DEPDC5: variants seen among roughly 807,000 people sequenced by gnomAD.
The protein encoded by DEPDC5 is GATOR1 complex protein DEPDC5.
DEPDC5 carries 73 observed loss-of-function variants against 217.3 expected under a neutral mutation model. The observed-to-expected ratio is 0.34, with a 90% CI of 0.28 to 0.41. DEPDC5 has a LOEUF of 0.41. Ranked by LOEUF, DEPDC5 falls within the 10% of genes least tolerant of loss-of-function variation. The probability of loss-of-function intolerance (pLI) is 1.00; values close to 1 mark genes in which losing one functional copy is unlikely to be tolerated. For synonymous variants in DEPDC5, 733 were observed against 756.7 expected (o/e 0.97, Z 0.51); for missense variants, 1,675 against 2,070.1 (o/e 0.81, Z 3.70).
At chr22:31,863,122 C>T (rs765088903) in intron 33 of DEPDC5, among the ~76,000 whole-genome samples, 2 of 152,110 alleles carry the variant, frequency 1.3e-5, no homozygotes, top group African/African-American at 2.4e-5. Context: ...ACTGGGATTA[C>T]AGGCATGAGC....
intron 34 of DEPDC5, 68 bp downstream of exon 34, chr22:31,870,812 A>G: frequency 7.0e-7 from 1 of 1,423,552 alleles, no homozygotes; most frequent in African/African-American, 1.5e-5. Flanking sequence ...AAGGCTGCAG[A>G]GGCTGAAGTC....
chr22:31,760,616 G>C, intron 3 of DEPDC5, 40 bp from the exon 4 acceptor site: 1 of 1,595,230 alleles, frequency 6.3e-7, no homozygotes, highest in Middle Eastern at 1.7e-4. Flanking sequence ...GGGAGTTACT[G>C]TTCACGGTAT....
chr22:31,830,696 C>T (rs886649212), intron 24 of DEPDC5, among the ~76,000 whole-genome samples: 1 of 150,584 alleles, frequency 6.6e-6, no homozygotes, highest in Non-Finnish European at 1.5e-5. Context: ...CTAGAGATGG[C>T]ACAGATCTAC....
intron 30 of DEPDC5, 87 bp from the exon 31 acceptor site, chr22:31,846,747 G>C (rs2091758992): frequency 6.3e-7 from 1 of 1,590,282 alleles, no homozygotes; most frequent in South Asian, 1.1e-5. Context: ...CCGGGGCCTG[G>C]GAATGCTGCA....
intron 32 of DEPDC5, among the ~76,000 whole-genome samples, chr22:31,860,537 AGG>A (rs2092471311): frequency 6.6e-6 from 1 of 152,188 alleles, no homozygotes; most frequent in East Asian, 1.9e-4. Flanking sequence ...TGATGGAAGG[AGG>A]GGTCATTGAA....
intron 33 of DEPDC5, among the ~76,000 whole-genome samples, chr22:31,861,648 T>C (rs1351746409): frequency 6.6e-6 from 1 of 152,230 alleles, no homozygotes; most frequent in Non-Finnish European, 1.5e-5. Flanking sequence ...CATATGATTG[T>C]ACCAGTGATG....
chr22:31,904,571 C>T lies in DEPDC5; in HGVS notation c.4437-1413C>T, dbSNP rs532064245. ...CAGCCTGGCCAAAATGGTGAAACCCCGTCTCTACTAAAAATACAAAAATTA... is the reference window on the plus strand; with the variant it reads ...CAGCCTGGCCAAAATGGTGAAACCCTGTCTCTACTAAAAATACAAAAATTA... On this transcript the variant is annotated intron_variant, in intron 41 of 42. Coordinates refer to ENST00000651528, the MANE Select transcript of DEPDC5 (RefSeq NM_001242896.3). Among the ~76,000 whole-genome samples the T allele has an allele frequency of 9.2e-5, 14 of 152,194 alleles. No individual in the cohort carries two copies. In the East Asian group the frequency reaches 1.9e-3, roughly 21 times the overall value.
chr22:31,873,953 C>T (rs1210925511), intron 35 of DEPDC5: 3 of 285,338 alleles, frequency 1.1e-5, no homozygotes, highest in Admixed American at 5.6e-5. Flanking sequence ...CCACCACGCC[C>T]AGCTGATTTT....
chr22:31,833,337 A>T (rs1323546321), intron 24 of DEPDC5, among the ~76,000 whole-genome samples: 1 of 152,214 alleles, frequency 6.6e-6, no homozygotes, highest in Non-Finnish European at 1.5e-5. Flanking sequence ...CAGCCCAGTT[A>T]TAGGTAAAAT....
At position 31,843,771 on chromosome 22, in the gene DEPDC5, C is replaced by T; in HGVS notation, c.2760C>T (p.Tyr920=). Residue 920 remains tyrosine, a synonymous_variant, in exon 29 of 43, where the codon TAC becomes TAT. Coordinates refer to ENST00000651528, the MANE Select transcript of DEPDC5 (RefSeq NM_001242896.3). The stretch of plus-strand genomic sequence containing the variant: ...GGCTGGAGGAGTACAAGTGGAATTA[C>T]TTAGATCAGTATATCTGTTCTGCCG... ...HERLEEYKWN[Y]LDQYICSAGS... 6.2e-7 allele frequency: 1 copy of T among 1,613,806 alleles called. No individual in the cohort carries two copies. The highest frequency in any genetic ancestry group is 1.1e-5 in the South Asian group (1 of 91,060).
chr22:31,897,298 T>C (rs2093570377), intron 39 of DEPDC5, among the ~76,000 whole-genome samples, 184 bp from the exon 40 acceptor site: 1 of 152,172 alleles, frequency 6.6e-6, no homozygotes, highest in Non-Finnish European at 1.5e-5. Context: ...TTTGTAGTAT[T>C]TGTCAGGATG....
intron 38 of DEPDC5, among the ~76,000 whole-genome samples, chr22:31,882,759 T>C (rs2093210242): frequency 6.6e-6 from 1 of 152,140 alleles, no homozygotes. Flanking sequence ...TTTTATTTTC[T>C]TGTTCCTTCT....
In DEPDC5 at chr22:31,876,199, G is replaced by A; in HGVS notation, c.3739G>A (p.Ala1247Thr). 6.2e-7 allele frequency: 1 copy of A among 1,614,164 alleles called. No homozygotes were observed. Among genetic ancestry groups the A allele is most frequent in the South Asian group, 1.1e-5 (1 of 91,084 alleles). Residue 1247 changes from alanine (A) to threonine (T), a missense_variant, in exon 37 of 43, where the codon GCC becomes ACC. Coordinates refer to ENST00000651528, the MANE Select transcript of DEPDC5 (RefSeq NM_001242896.3). Reference protein sequence around the residue: ...EQLITHASGEAWRTFIYGFYF... With the variant: ...EQLITHASGETWRTFIYGFYF... ...GCTCATCACACATGCATCTGGCGAAGCCTGGCGGACCTTCATCTACGGCTT... is the reference window on the plus strand; with the variant it reads ...GCTCATCACACATGCATCTGGCGAAACCTGGCGGACCTTCATCTACGGCTT...
intron 39 of DEPDC5, chr22:31,894,843 T>G (rs549898642): frequency 4.7e-5 from 7 of 147,448 alleles, no homozygotes; most frequent in Admixed American, 3.4e-4. Context: ...AGACTTCATC[T>G]TAAAAAAAAA....
At chr22:31,837,995 A>T (rs2091140547) in intron 26 of DEPDC5, among the ~76,000 whole-genome samples, 1 of 152,070 alleles carries the variant, frequency 6.6e-6, no homozygotes, top group Non-Finnish European at 1.5e-5. Flanking sequence ...GAGCTGCTGC[A>T]CTGGCTGTGG....
intron 9 of DEPDC5, chr22:31,784,525 A>T (rs1363494958): frequency 7.4e-6 from 2 of 270,086 alleles, no homozygotes; most frequent in South Asian, 4.8e-5. Flanking sequence ...GCTACTCAGG[A>T]TGCTGAGGCA....
chr22:31,762,901 G>A (rs894356024), intron 4 of DEPDC5, among the ~76,000 whole-genome samples: 2 of 152,016 alleles, frequency 1.3e-5, no homozygotes, highest in Admixed American at 6.6e-5. Context: ...TGCAACCTGC[G>A]CCTCCTGGGT....
At chr22:31,851,484 G>A (rs923547856) in intron 31 of DEPDC5, among the ~76,000 whole-genome samples, 3 of 152,242 alleles carry the variant, frequency 2.0e-5, no homozygotes, top group Non-Finnish European at 4.4e-5. Context: ...GTGCTTGCCA[G>A]CATCCTGGGC....
intron 18 of DEPDC5, among the ~76,000 whole-genome samples, chr22:31,807,658 T>C (rs1317181113): frequency 6.6e-6 from 1 of 152,200 alleles, no homozygotes; most frequent in Non-Finnish European, 1.5e-5. Context: ...TCTCAAACTC[T>C]TGATTTCAAG....
Sources: allele counts gnomAD v4.1 joint callset (sites outside exome capture counted in the v4.1 genomes callset), GRCh38; gene constraint gnomAD v4.1.1; transcripts MANE v1.5; gene names NCBI Gene and HGNC (gene_info 2026-07-23, HGNC 2026-07-21).